The following CSRP1 variants were observed in gnomAD, a reference collection of about 807,000 sequenced individuals.
The protein encoded by CSRP1 is cysteine and glycine rich protein 1.
A neutral mutation model predicts 25.4 loss-of-function variants in CSRP1; 16 were observed. The observed-to-expected ratio is 0.63, with a 90% CI of 0.43 to 0.96. The LOEUF is 0.96. Ranked by LOEUF, CSRP1 falls within the 40% of genes least tolerant of loss-of-function variation. CSRP1 has a pLI of 0.00. For missense variants in CSRP1, 212 were observed against 243.6 expected, an observed-to-expected ratio of 0.87 and a Z score of 0.86; for synonymous variants, 97 against 95.3, an observed-to-expected ratio of 1.02 and a Z score of -0.10.
chr1:201,485,481 C>T lies in CSRP1; in HGVS notation c.412-105G>A, dbSNP rs960691391. 3.4e-5 allele frequency: 33 copies of T among 959,016 alleles called. No individual in the cohort carries two copies. The Admixed American group carries it at 5.4e-4, about 16-fold the overall frequency. The allele number at this position is 959,016 out of a possible 1,614,324, so 59.4% of individuals were successfully genotyped here. On this transcript the variant is annotated intron_variant, in intron 4 of 5. Coordinates refer to ENST00000340006, the MANE Select transcript of CSRP1 (RefSeq NM_004078.3). ...AACCATGGTATAAGGGCTCAAGCCA[C>T]TTCTGAAGTCTACTCAGCTGGTGCT...
At chr1:201,485,024 C>T (rs1427538461) in intron 5 of CSRP1, among the ~76,000 whole-genome samples, 1 of 152,090 alleles carries the variant, frequency 6.6e-6, no homozygotes, top group Non-Finnish European at 1.5e-5. Context: ...GAAGCATCAT[C>T]TGCTGTAAGA....
rs985543055 is a variant in CSRP1, at chr1:201,484,283, A to C, written c.*430T>G. 1 of 503,108 alleles carries C rather than the reference A, an allele frequency of 2.0e-6. No individual in the cohort carries two copies. The highest frequency in any genetic ancestry group is 3.6e-6 in the Non-Finnish European group (1 of 281,000). The allele number at this position is 503,108 out of a possible 1,614,324, so 31.2% of individuals were successfully genotyped here. ...GAGGAGAATCTCTGAGATCCAAAAAACCCAGCCTTCCCCCCTCCTCATCTT... is the reference window on the plus strand; with the variant it reads ...GAGGAGAATCTCTGAGATCCAAAAACCCCAGCCTTCCCCCCTCCTCATCTT... On this transcript the variant is annotated 3_prime_UTR_variant, in exon 6 of 6. Transcript: ENST00000340006.
intron 4 of CSRP1, chr1:201,487,635 C>T (rs139103636): frequency 1.5e-4 from 23 of 152,346 alleles, no homozygotes; most frequent in African/African-American, 5.5e-4. Flanking sequence ...CTAGGATCCC[C>T]TCCCATTTTG....
chr1:201,489,587 C>T, intron 3 of CSRP1: 1 of 157,914 alleles, frequency 6.3e-6, no homozygotes, highest in South Asian at 1.9e-4. Flanking sequence ...AACGGTGCTG[C>T]CCTGAGCCCC....
chr1:201,497,358 CA>C (rs71564149), intron 1 of CSRP1, among the ~76,000 whole-genome samples: 3,597 of 44,016 alleles, frequency 0.082, 18 homozygotes, highest in South Asian at 0.14. Flanking sequence ...GACTCTGTCT[CA>C]AAAAAAAAAA....
At chr1:201,487,948 A>G (rs1299527531) in intron 4 of CSRP1, 1 of 152,206 alleles carries the variant, frequency 6.6e-6, no homozygotes, top group Non-Finnish European at 1.5e-5. Context: ...CCATTCCTCA[A>G]GGTCAAAAAG....
rs1409147350 is a variant in CSRP1 at position 201,484,677 on chromosome 1, GC to G, written c.*35del. On this transcript the variant is annotated 3_prime_UTR_variant, in exon 6 of 6. Coordinates refer to ENST00000340006, the MANE Select transcript of CSRP1 (RefSeq NM_004078.3). Reference sequence around the variant, plus strand: ...TGGGAATGGAATGGCGATGAAAAGCGCAGGAGTGGGCAGGGTGTGGTGGGTG... The same window carrying G: ...TGGGAATGGAATGGCGATGAAAAGCGAGGAGTGGGCAGGGTGTGGTGGGTG... 1.3e-6 allele frequency: 2 copies of G among 1,571,526 alleles called. No homozygotes were observed. The highest frequency in any genetic ancestry group is 1.7e-6 in the Non-Finnish European group (2 of 1,149,142).
chr1:201,496,562 A>C (rs1187078515), intron 1 of CSRP1: 3 of 509,774 alleles, frequency 5.9e-6, no homozygotes, highest in Non-Finnish European at 1.1e-5. Context: ...TGTGCTAGGC[A>C]CTCTAAAGGA....
Position 201,488,963 on chromosome 1 carries a change from G to A in CSRP1, c.303C>T (p.Thr101=), listed in dbSNP as rs1225352391. 6.2e-7 allele frequency: 1 copy of A among 1,614,098 alleles called. No individual in the cohort carries two copies. ...CAAATTTGGATGCATTGGGGTTGGT[G>A]GTGGGCCTGTGGCCAGGGGCTCTGC... is the stretch of plus-strand genomic sequence containing the variant. The part of the protein sequence containing the change: ...KHEEAPGHRP[T]TNPNASKFAQ... The change falls in exon 4 of 6, where the codon ACC becomes ACT. Residue 101 remains threonine (T), a synonymous_variant. Coordinates refer to ENST00000340006, the MANE Select transcript of CSRP1 (RefSeq NM_004078.3).
chr1:201,504,915 A>T (rs753152264), intron 1 of CSRP1, among the ~76,000 whole-genome samples: 1 of 152,190 alleles, frequency 6.6e-6, no homozygotes, highest in Non-Finnish European at 1.5e-5. Flanking sequence ...CCTGGCCAAC[A>T]TGGCGAAATG....
rs762788069 is a variant in CSRP1 at position 201,484,706 on chromosome 1, G to A, written c.*7C>T. 3 of 1,609,022 alleles carry A rather than the reference G, an allele frequency of 1.9e-6. No individual in the cohort carries two copies. In the African/African-American group the frequency reaches 4.0e-5, roughly 21 times the overall value. On this transcript the variant is annotated 3_prime_UTR_variant, in exon 6 of 6. Transcript: ENST00000340006. ...GAGTGGGCAGGGTGTGGTGGGTGATGGTGGCCTCACTCAGAGTGGACCAAG... is the reference window on the plus strand; with the variant it reads ...GAGTGGGCAGGGTGTGGTGGGTGATAGTGGCCTCACTCAGAGTGGACCAAG...
intron 2 of CSRP1, chr1:201,490,640 A>G (rs2102406521): frequency 3.2e-6 from 1 of 310,478 alleles, no homozygotes; most frequent in African/African-American, 2.1e-5. Flanking sequence ...CTGCAGTGCA[A>G]CACAGGGTTC....
At chr1:201,487,159 C>A (rs557562315) in intron 4 of CSRP1, 1 of 410,344 alleles carries the variant, frequency 2.4e-6, no homozygotes, top group African/African-American at 2.2e-5. Context: ...CACCTGTAAT[C>A]CCAGCACTTT....
chr1:201,496,342 G>C (rs1464078866), intron 1 of CSRP1, 38 bp from the exon 2 acceptor site: 2 of 1,480,188 alleles, frequency 1.4e-6, no homozygotes, highest in East Asian at 2.3e-5. Context: ...AATTTTACAG[G>C]GAGATGGAAA....
At chr1:201,485,794 C>T (rs561181985) in intron 4 of CSRP1, 8 of 180,836 alleles carry the variant, frequency 4.4e-5, no homozygotes, top group South Asian at 2.9e-4. Flanking sequence ...CAGCCCTCAC[C>T]AGAAAGACCT....
rs561750062 is a variant in CSRP1, at chr1:201,483,989, A to G, written c.*724T>C. The G allele has an allele frequency of 2.6e-5, 18 of 695,706 alleles. No individual in the cohort carries two copies. The South Asian group carries it at 2.7e-4, about 10-fold the overall frequency. The allele number at this position is 695,706 out of a possible 1,614,324, so 43.1% of individuals were successfully genotyped here. Reference sequence around the variant, plus strand: ...TGCCAATATATGTTTCAGGTATTTCATTAGGATCCTCCCATCAAGCAGGGA... The same window carrying G: ...TGCCAATATATGTTTCAGGTATTTCGTTAGGATCCTCCCATCAAGCAGGGA... On this transcript the variant is annotated 3_prime_UTR_variant, in exon 6 of 6. Transcript: ENST00000340006.
chr1:201,494,058 TC>T (rs1268369729), intron 2 of CSRP1, among the ~76,000 whole-genome samples: 1 of 152,022 alleles, frequency 6.6e-6, no homozygotes, highest in Non-Finnish European at 1.5e-5. Context: ...TGAGACTGCT[TC>T]CTGCGGCTGC....
intron 1 of CSRP1, chr1:201,506,820 G>C (rs1181553942): frequency 6.6e-6 from 1 of 152,398 alleles, no homozygotes; most frequent in Non-Finnish European, 1.5e-5. Context: ...CGGGGAGCCG[G>C]GTCGCCCTGG....
intron 2 of CSRP1, among the ~76,000 whole-genome samples, chr1:201,495,072 C>T (rs1281849086): frequency 1.3e-5 from 2 of 152,194 alleles, no homozygotes; most frequent in Non-Finnish European, 2.9e-5. Context: ...CTAAGACATT[C>T]TTCTACCATC....
Sources: gnomAD v4.1 joint callset for allele counts (sites outside exome capture counted in the v4.1 genomes callset) on GRCh38, gnomAD v4.1.1 for gene constraint, MANE v1.5 for transcripts, NCBI Gene and HGNC (gene_info 2026-07-23, HGNC 2026-07-21) for gene names.